SEMA3D: variants seen among roughly 807,000 people sequenced by gnomAD.
SEMA3D encodes semaphorin 3D.
A neutral mutation model predicts 100.1 loss-of-function variants in SEMA3D; 84 were observed. The observed-to-expected ratio is 0.84, with a 90% CI of 0.70 to 1.01. The LOEUF is 1.01. SEMA3D is among the 50% of genes least tolerant of loss of function. SEMA3D has a pLI of 0.00. For missense variants in SEMA3D, 875 were observed against 934.1 expected (o/e 0.94, Z 0.82); for synonymous variants, 312 against 320.7 (o/e 0.97, Z 0.29).
the SEMA3D span, among the ~76,000 whole-genome samples, chr7:85,232,230 T>C: frequency 3.3e-5 from 5 of 152,218 alleles, no homozygotes; most frequent in African/African-American, 1.2e-4. Flanking sequence ...CAATATTTTT[T>C]TGTGCCATTA....
intron 6 of SEMA3D, among the ~76,000 whole-genome samples, chr7:85,070,452 C>T (rs1288494673): frequency 2.0e-5 from 3 of 152,162 alleles, no homozygotes; most frequent in African/African-American, 7.2e-5. Context: ...CCTTTTTCCG[C>T]TCCTTTTGTG....
At chr7:85,194,330 G>C in the SEMA3D span, among the ~76,000 whole-genome samples, 1 of 152,130 alleles carries the variant, frequency 6.6e-6, no homozygotes, top group East Asian at 1.9e-4. Flanking sequence ...TATGAAGTTA[G>C]CACTAGGATT....
At chr7:85,108,369 G>T (rs1788992874) in intron 3 of SEMA3D, among the ~76,000 whole-genome samples, 1 of 151,968 alleles carries the variant, frequency 6.6e-6, no homozygotes, top group South Asian at 2.1e-4. Flanking sequence ...AAGTTAATGT[G>T]CTATTTAGAG....
At chr7:85,149,811 G>A (rs1446235498) in intron 2 of SEMA3D, among the ~76,000 whole-genome samples, 1 of 152,090 alleles carries the variant, frequency 6.6e-6, no homozygotes, top group East Asian at 1.9e-4. Flanking sequence ...AAGACACTCT[G>A]GAGTAATACA....
At chr7:85,230,061 C>T in the SEMA3D span, among the ~76,000 whole-genome samples, 2 of 152,180 alleles carry the variant, frequency 1.3e-5, no homozygotes, top group Non-Finnish European at 2.9e-5. Flanking sequence ...CAATCTCTTA[C>T]TACTTCCAGA....
chr7:85,071,028 C>T (rs1791757969), intron 6 of SEMA3D, among the ~76,000 whole-genome samples: 1 of 152,064 alleles, frequency 6.6e-6, no homozygotes, highest in African/African-American at 2.4e-5. Context: ...GATCTGCCCA[C>T]CTCAGCCTCC....
chr7:85,085,335 A>T (rs1434529590), intron 4 of SEMA3D, among the ~76,000 whole-genome samples: 1 of 152,174 alleles, frequency 6.6e-6, no homozygotes, highest in Non-Finnish European at 1.5e-5. Flanking sequence ...ACTTCAAATC[A>T]TAGTATTGGG....
At chr7:85,192,616 A>T in the SEMA3D span, among the ~76,000 whole-genome samples, 5 of 152,170 alleles carry the variant, frequency 3.3e-5, no homozygotes, top group Admixed American at 3.3e-4. Flanking sequence ...GCACACAGTA[A>T]CATAGAATCA....
rs759179897 is a variant in SEMA3D, at chr7:85,020,338, C to A, written c.1415-17G>T. The A allele has an allele frequency of 1.3e-6, 2 of 1,573,492 alleles. No individual in the cohort carries two copies. Among genetic ancestry groups the A allele is most frequent in the African/African-American group, 2.7e-5 (2 of 73,954 alleles). Reference sequence around the variant, plus strand: ...TTCCAATGTCTGAAAAAATGCATAACCCATGATCCCATTGTTTCTATCTCA... The same window carrying A: ...TTCCAATGTCTGAAAAAATGCATAAACCATGATCCCATTGTTTCTATCTCA... On this transcript the variant is annotated splice_polypyrimidine_tract_variant and intron_variant, in intron 13 of 18. Transcript: ENST00000284136.
intron 2 of SEMA3D, among the ~76,000 whole-genome samples, chr7:85,152,704 A>T (rs1187534182): frequency 6.6e-6 from 1 of 152,202 alleles, no homozygotes; most frequent in East Asian, 1.9e-4. Flanking sequence ...TTATATTGAA[A>T]GAGTATATTT....
chr7:85,231,974 T>C, the SEMA3D span, among the ~76,000 whole-genome samples: 1 of 152,184 alleles, frequency 6.6e-6, no homozygotes, highest in African/African-American at 2.4e-5. Flanking sequence ...GAAAATAAAG[T>C]TTATGCAAAA....
chr7:85,066,947 A>AGAG (rs1791645682), intron 7 of SEMA3D, among the ~76,000 whole-genome samples: 4 of 93,960 alleles, frequency 4.3e-5, no homozygotes, highest in African/African-American at 1.8e-4. Flanking sequence ...GAGAGAGAGA[A>AGAG]CTCCAGCTAT....
In SEMA3D at chr7:85,012,788, C is replaced by T. The variant is rs781759000; in HGVS notation, c.1762G>A (p.Glu588Lys). The T allele has an allele frequency of 2.8e-5, 45 of 1,609,132 alleles. No homozygotes were observed. The highest frequency in any genetic ancestry group is 1.7e-4 in the Middle Eastern group (1 of 6,050). ...GDPITQCWDI[E>K]DSISHETADE... is the part of the protein sequence containing the mutation. ...ATATCAGAGCTGTACTTACTGTCTT[C>T]GATGTCCCAGCACTGGGTGATTGGG... Residue 588 changes from glutamate (E) to lysine (K), a missense_variant, in exon 17 of 19, where the codon GAA becomes AAA. Glu to Lys is a moderately conservative substitution (Grantham distance 56). Transcript: ENST00000284136.
chr7:85,148,625 G>A (rs144881551), intron 2 of SEMA3D, among the ~76,000 whole-genome samples: 73 of 152,276 alleles, frequency 4.8e-4, no homozygotes, highest in African/African-American at 1.7e-3. Flanking sequence ...TTTCTTTGCA[G>A]TTAGGGTAGA....
chr7:85,138,216 A>T (rs1019787118), intron 2 of SEMA3D, among the ~76,000 whole-genome samples: 1 of 152,156 alleles, frequency 6.6e-6, no homozygotes, highest in Non-Finnish European at 1.5e-5. Context: ...CTCATTAAAC[A>T]ATTAATTAAT....
chr7:85,132,854 T>C (rs1203784677), intron 2 of SEMA3D, among the ~76,000 whole-genome samples: 1 of 151,972 alleles, frequency 6.6e-6, no homozygotes, highest in Non-Finnish European at 1.5e-5. Flanking sequence ...AAGCATAATA[T>C]GGATCTTATT....
intron 3 of SEMA3D, among the ~76,000 whole-genome samples, chr7:85,111,190 C>T (rs938646834): frequency 1.4e-4 from 22 of 151,992 alleles, no homozygotes; most frequent in African/African-American, 5.1e-4. Context: ...TCTGCTTCAT[C>T]CCTTAATTAT....
chr7:85,163,082 A>T (rs1362218458), intron 1 of SEMA3D: 2 of 629,880 alleles, frequency 3.2e-6, no homozygotes, highest in Non-Finnish European at 4.0e-6. Flanking sequence ...CAGTAAGATT[A>T]GAAAGTAAAA....
At chr7:85,143,591 A>T (rs1283587728) in intron 2 of SEMA3D, among the ~76,000 whole-genome samples, 1 of 152,188 alleles carries the variant, frequency 6.6e-6, no homozygotes, top group Non-Finnish European at 1.5e-5. Context: ...ATCTTAGGGG[A>T]ACACCATCCT....
Sources: gnomAD v4.1 joint callset for allele counts (sites outside exome capture counted in the v4.1 genomes callset) on GRCh38, gnomAD v4.1.1 for gene constraint, MANE v1.5 for transcripts, NCBI Gene and HGNC (gene_info 2026-07-23, HGNC 2026-07-21) for gene names.